Variants in PTPRN2 observed in about 807,000 individuals in gnomAD.
PTPRN2 encodes the protein protein tyrosine phosphatase receptor type N2, also known as receptor-type tyrosine-protein phosphatase N2.
Under a neutral mutation model 118.8 loss-of-function variants are expected in PTPRN2, and 74 were observed. That is an observed-to-expected ratio of 0.62 (90% CI 0.52 to 0.76). The LOEUF is 0.76. Ranked by LOEUF, PTPRN2 falls within the 30% of genes least tolerant of loss-of-function variation. PTPRN2 has a pLI of 0.00. For missense variants in PTPRN2, 1,481 were observed against 1,394.4 expected (o/e 1.06, Z -0.99); for synonymous variants, 641 against 608.0 (o/e 1.05, Z -0.80).
rs374129427 is a variant in PTPRN2, at chr7:157,808,343, G to A, written c.1788+90330C>T. Among the ~76,000 whole-genome samples, 13 of 152,204 alleles carry A rather than the reference G, an allele frequency of 8.5e-5. No individual in the cohort carries two copies. The highest frequency in any genetic ancestry group is 5.8e-4 in the East Asian group (3 of 5,186). On this transcript the variant is annotated intron_variant, in intron 12 of 22. Transcript: ENST00000389418. This position sits in a 1 kb window ranked among gnomAD's most constrained non-coding sequence, Gnocchi z 5.0. ...AGTGGCAGGTAAGCGGGTGAGTGGCGGGTGAGTGAGCGAGTGAAACTTTGT... is the reference window on the plus strand; with the variant it reads ...AGTGGCAGGTAAGCGGGTGAGTGGCAGGTGAGTGAGCGAGTGAAACTTTGT...
chr7:157,790,884 T>C (rs561117013), intron 12 of PTPRN2, among the ~76,000 whole-genome samples: 1 of 152,166 alleles, frequency 6.6e-6, no homozygotes, highest in Non-Finnish European at 1.5e-5. Context: ...CATAAGTACA[T>C]GAAAGACATT....
intron 9 of PTPRN2, among the ~76,000 whole-genome samples, chr7:158,115,365 G>A (rs866229394): frequency 2.0e-5 from 3 of 152,094 alleles, no homozygotes; most frequent in Non-Finnish European, 2.9e-5. Context: ...ATGTGTCAGC[G>A]GGTAAGGTGT....
intron 1 of PTPRN2, among the ~76,000 whole-genome samples, chr7:158,498,935 C>T (rs1037157805): frequency 6.6e-6 from 1 of 152,206 alleles, no homozygotes; most frequent in Non-Finnish European, 1.5e-5. Flanking sequence ...ACGTGAACCA[C>T]ACAGCCTACC....
At position 157,909,853 on chromosome 7, in the gene PTPRN2, G is replaced by A. The variant is rs115627826; in HGVS notation, c.1724-11116C>T. Among the ~76,000 whole-genome samples the A allele has an allele frequency of 2.0e-3, 312 of 152,332 alleles. 2 individuals are homozygous for A. The highest frequency in any genetic ancestry group is 7.3e-3 in the African/African-American group (304 of 41,570). On this transcript the variant is annotated intron_variant, in intron 11 of 22. Coordinates refer to ENST00000389418, the MANE Select transcript of PTPRN2 (RefSeq NM_002847.5). The stretch of plus-strand genomic sequence containing the variant: ...GCCCTAGTGCTTAGAACACTGTCCA[G>A]CACATTAGAGGACCTCAACGATTAT...
chr7:157,985,721 C>G (rs529041220), intron 11 of PTPRN2, among the ~76,000 whole-genome samples: 115 of 152,138 alleles, frequency 7.6e-4, no homozygotes, highest in African/African-American at 2.7e-3. Flanking sequence ...GTGTTTTCTA[C>G]TCACTGCACA....
intron 2 of PTPRN2, among the ~76,000 whole-genome samples, chr7:158,453,422 G>A (rs1011063989): frequency 1.5e-5 from 2 of 135,068 alleles, no homozygotes; most frequent in Non-Finnish European, 3.2e-5. Context: ...GGGCACCACA[G>A]GGTTGGCTAA....
chr7:157,973,066 A>G (rs1802465799), intron 11 of PTPRN2, among the ~76,000 whole-genome samples: 1 of 152,244 alleles, frequency 6.6e-6, no homozygotes, highest in South Asian at 2.1e-4. Flanking sequence ...CCACACTGTG[A>G]TAGCAGGGCC....
rs112320848 is a variant in PTPRN2, at chr7:158,567,678, G to T, written c.112+19880C>A. On this transcript the variant is annotated intron_variant, in intron 1 of 22. Coordinates refer to ENST00000389418, the MANE Select transcript of PTPRN2 (RefSeq NM_002847.5). ...GAGCAAGCGGACTGAAGGGGTACGG[G>T]CATCGTGCCGAAAGGGGTAGAGACA... Among the ~76,000 whole-genome samples the T allele has an allele frequency of 7.6e-3, 1,159 of 152,330 alleles. 12 individuals carry two copies. The highest frequency in any genetic ancestry group is 0.026 in the African/African-American group (1,097 of 41,578).
In PTPRN2 at chr7:158,555,386, C is replaced by T. The variant is rs1421402019; in HGVS notation, c.112+32172G>A. ...CTTCTCCCTTCACAAGCAGCATCCACGGCTCAGTGGTGCCCCTCGCCCCCA... is the reference window on the plus strand; with the variant it reads ...CTTCTCCCTTCACAAGCAGCATCCATGGCTCAGTGGTGCCCCTCGCCCCCA... On this transcript the variant is annotated intron_variant, in intron 1 of 22. Coordinates refer to ENST00000389418, the MANE Select transcript of PTPRN2 (RefSeq NM_002847.5). The surrounding 1 kb of genome is among the most constrained non-coding windows in gnomAD (Gnocchi z 4.7). Among the ~76,000 whole-genome samples the T allele has an allele frequency of 1.3e-5, 2 of 152,304 alleles. No homozygotes were observed. The highest frequency in any genetic ancestry group is 2.1e-4 in the South Asian group (1 of 4,824).
intron 2 of PTPRN2, among the ~76,000 whole-genome samples, chr7:158,353,174 C>T (rs1586431514): frequency 6.6e-6 from 1 of 152,258 alleles, no homozygotes; most frequent in Non-Finnish European, 1.5e-5. Flanking sequence ...CCCTGCCTCA[C>T]ACCACATCAT....
chr7:158,173,307 A>T (rs1823883596), intron 5 of PTPRN2, among the ~76,000 whole-genome samples: 1 of 152,216 alleles, frequency 6.6e-6, no homozygotes, highest in Admixed American at 6.5e-5. Context: ...CCAGTCTGAG[A>T]AATAAAGAGA....
intron 12 of PTPRN2, among the ~76,000 whole-genome samples, chr7:157,802,995 T>G (rs951253512): frequency 6.6e-6 from 1 of 152,178 alleles, no homozygotes; most frequent in African/African-American, 2.4e-5. Flanking sequence ...GATGGAGTCT[T>G]GCTCTGTCAT....
chr7:158,225,770 T>C (rs1828720424), intron 3 of PTPRN2, among the ~76,000 whole-genome samples: 1 of 151,946 alleles, frequency 6.6e-6, no homozygotes. Context: ...ATAAATAGAA[T>C]TCTAACAGGT....
At chr7:158,561,184 CAT>C (rs1316319599) in intron 1 of PTPRN2, among the ~76,000 whole-genome samples, 1 of 152,200 alleles carries the variant, frequency 6.6e-6, no homozygotes, top group African/African-American at 2.4e-5. Context: ...ACTTAATTCT[CAT>C]AGTTCCTTGA....
chr7:158,172,520 C>T (rs1563557360), intron 5 of PTPRN2, among the ~76,000 whole-genome samples: 1 of 150,638 alleles, frequency 6.6e-6, no homozygotes, highest in Non-Finnish European at 1.5e-5. Flanking sequence ...GCATCCCCAC[C>T]ATCATCACTT....
intron 11 of PTPRN2, among the ~76,000 whole-genome samples, chr7:158,071,365 T>TCGTGGTGGAGGTGCC (rs1811533982): frequency 3.1e-5 from 3 of 96,878 alleles, no homozygotes; most frequent in Admixed American, 1.0e-4. Context: ...GTGGAGGTGC[T>TCGTGGTGGAGGTGCC]CATGGTGGTG....
chr7:157,642,923 C>T (rs150757052), intron 14 of PTPRN2, among the ~76,000 whole-genome samples: 2,982 of 150,744 alleles, frequency 0.02, 38 homozygotes, highest in Middle Eastern at 0.038. Flanking sequence ...GGCCAAGCTG[C>T]ATCACAGCAG....
chr7:157,815,021 G>A (rs1806303288), intron 12 of PTPRN2, among the ~76,000 whole-genome samples: 1 of 152,216 alleles, frequency 6.6e-6, no homozygotes, highest in Admixed American at 6.5e-5. Context: ...TCCACACGGG[G>A]CCCTGCGTTT....
intron 10 of PTPRN2, among the ~76,000 whole-genome samples, chr7:158,085,803 C>CAG (rs1813344420): frequency 3.9e-5 from 5 of 127,262 alleles, no homozygotes; most frequent in Admixed American, 8.0e-5. Flanking sequence ...CCCATCCACA[C>CAG]ATGCCCATCC....
Sources: allele counts gnomAD v4.1 joint callset (sites outside exome capture counted in the v4.1 genomes callset), GRCh38; gene constraint gnomAD v4.1.1; non-coding constraint Gnocchi (gnomAD v3.1); transcripts MANE v1.5; gene names NCBI Gene and HGNC (gene_info 2026-07-23, HGNC 2026-07-21).